PDGFB: variants seen among roughly 807,000 people sequenced by gnomAD.
PDGFB encodes platelet-derived growth factor subunit B.
In PDGFB, 6 loss-of-function variants were observed where a neutral mutation model predicts 29.0. That is an observed-to-expected ratio of 0.21 (90% confidence interval 0.11 to 0.41). PDGFB has a LOEUF of 0.41. Among genes scored for constraint, PDGFB ranks in the 10% least tolerant of loss-of-function variants. The pLI is 1.00. For synonymous variants in PDGFB, 144 were observed against 140.8 expected, an observed-to-expected ratio of 1.02 and a Z score of -0.16; for missense variants, 299 against 341.8, an observed-to-expected ratio of 0.87 and a Z score of 0.99.
At chr22:39,227,963 C>T (rs988371215) in intron 5 of PDGFB, among the ~76,000 whole-genome samples, 2 of 152,202 alleles carry the variant, frequency 1.3e-5, no homozygotes, top group Non-Finnish European at 2.9e-5. Context: ...CACTGAAGGG[C>T]CCAGGGAGTT....
Position 39,227,659 on chromosome 22 carries a change from C to T in PDGFB, c.602-1812G>A, listed in dbSNP as rs549662807. Among the ~76,000 whole-genome samples the T allele has an allele frequency of 2.0e-5, 3 of 152,316 alleles. No individual in the cohort carries two copies. The East Asian group carries it at 5.8e-4, about 29-fold the overall frequency. ...CACACCTCCAACCACTCAGCACAAA[C>T]GACAGTGCCTGTGAGCCTCAGTCAA... On this transcript the variant is annotated intron_variant, in intron 5 of 6. Transcript: ENST00000331163.
At chr22:39,227,054 G>C (rs1465752263) in intron 5 of PDGFB, among the ~76,000 whole-genome samples, 1 of 152,250 alleles carries the variant, frequency 6.6e-6, no homozygotes, top group Non-Finnish European at 1.5e-5. Flanking sequence ...CACCTCGCAG[G>C]TTCAAGTGAT....
At chr22:39,240,593 A>G (rs1362273434) in intron 1 of PDGFB, among the ~76,000 whole-genome samples, 8 of 151,756 alleles carry the variant, frequency 5.3e-5, no homozygotes, top group African/African-American at 1.9e-4. Flanking sequence ...CAGTGGGGCC[A>G]TGGAGCAACA....
At position 39,231,531 on chromosome 22, in the gene PDGFB, A is replaced by G. The variant is rs1249920721; in HGVS notation, c.456+91T>C. On this transcript the variant is annotated intron_variant, in intron 4 of 6. Coordinates refer to ENST00000331163, the MANE Select transcript of PDGFB (RefSeq NM_002608.4). This position sits in a 1 kb window ranked among gnomAD's most constrained non-coding sequence, Gnocchi z 4.3. Reference sequence around the variant, plus strand: ...TGTCCTTCGACACACCACTCTGCCCAGTCAAGGAAGCCTGGTCAGGTATGA... The same window carrying G: ...TGTCCTTCGACACACCACTCTGCCCGGTCAAGGAAGCCTGGTCAGGTATGA... The G allele has an allele frequency of 1.1e-6, 1 of 946,298 alleles. No individual in the cohort carries two copies. Among genetic ancestry groups the G allele is most frequent in the Non-Finnish European group, 1.6e-6 (1 of 643,460 alleles). The allele number at this position is 946,298 out of a possible 1,614,324, so 58.6% of individuals were successfully genotyped here.
At chr22:39,234,197 C>G (rs1188989802) in intron 2 of PDGFB, among the ~76,000 whole-genome samples, 1 of 152,196 alleles carries the variant, frequency 6.6e-6, no homozygotes, top group Non-Finnish European at 1.5e-5. Flanking sequence ...CTCCCCTTCT[C>G]TAAACTGTTG....
chr22:39,223,820 A>T lies in PDGFB; in HGVS notation c.*1522T>A, dbSNP rs1601593629. 1 of 152,602 alleles carries T rather than the reference A, an allele frequency of 6.6e-6. No homozygotes were observed. Among genetic ancestry groups the T allele is most frequent in the East Asian group, 1.9e-4 (1 of 5,202 alleles). The allele number at this position is 152,602 out of a possible 1,614,324, so 9.5% of individuals were successfully genotyped here. A position where few individuals can be genotyped will look rare whatever the true frequency, so the allele number is the denominator to read the frequency against. ...ACAAACTGAAGGAAGCAGGTTTTGG[A>T]AGGCGGGAAGGGGGAAAGTGCAGTA... On this transcript the variant is annotated 3_prime_UTR_variant, in exon 7 of 7. Transcript: ENST00000331163.
intron 1 of PDGFB, chr22:39,241,183 C>A (rs1932561291): frequency 2.0e-6 from 1 of 501,390 alleles, no homozygotes; most frequent in Admixed American, 3.3e-5. Context: ...TGGAAGCCAG[C>A]TCAGCTGGTG....
intron 1 of PDGFB, chr22:39,240,705 G>T: frequency 1.1e-6 from 1 of 869,570 alleles, no homozygotes; most frequent in Non-Finnish European, 1.9e-6. Flanking sequence ...CTAAAAGTGG[G>T]GACCAGGAGG....
rs951089169 is a variant in PDGFB, at chr22:39,230,034, A to C, written c.601+50T>G. Reference sequence around the variant, plus strand: ...ATTTTTAAGACCGGCCCCTGCCCCCAGCTGCTGCAGGGGAAGGGGGCTGAG... The same window carrying C: ...ATTTTTAAGACCGGCCCCTGCCCCCCGCTGCTGCAGGGGAAGGGGGCTGAG... On this transcript the variant is annotated intron_variant, in intron 5 of 6. Coordinates refer to ENST00000331163, the MANE Select transcript of PDGFB (RefSeq NM_002608.4). 17 of 1,591,496 alleles carry C rather than the reference A, an allele frequency of 1.1e-5. No individual in the cohort carries two copies. In the African/African-American group the frequency reaches 1.9e-4, roughly 18 times the overall value.
chr22:39,238,957 G>A (rs1932507100), intron 1 of PDGFB, among the ~76,000 whole-genome samples: 1 of 152,268 alleles, frequency 6.6e-6, no homozygotes, highest in Non-Finnish European at 1.5e-5. Flanking sequence ...GGAGTGCAGA[G>A]GCTGAGAAAC....
chr22:39,229,903 C>T (rs1235973010), intron 5 of PDGFB, among the ~76,000 whole-genome samples, 181 bp downstream of exon 5: 1 of 152,182 alleles, frequency 6.6e-6, no homozygotes, highest in Non-Finnish European at 1.5e-5. Context: ...AGGGGCTAAT[C>T]CTCATGTAGG....
In PDGFB at chr22:39,235,812, A is replaced by G; in HGVS notation, c.126T>C (p.Asp42=). The change falls in exon 2 of 7, where the codon GAT becomes GAC. Residue 42 remains aspartate (D), a synonymous_variant. Coordinates refer to ENST00000331163, the MANE Select transcript of PDGFB (RefSeq NM_002608.4). ...MLSDHSIRSF[D]DLQRLLHGDP... is the part of the protein sequence containing the mutation. ...CTCCGTGCAGCAGGCGTTGGAGATC[A>G]TCAAAGGAGCGGATCGAGTGGTCAC... 6.2e-7 allele frequency: 1 copy of G among 1,614,066 alleles called. No homozygotes were observed. Among genetic ancestry groups the G allele is most frequent in the Non-Finnish European group, 8.5e-7 (1 of 1,179,966 alleles).
chr22:39,243,594 G>C lies in PDGFB; in HGVS notation c.63+307C>G, dbSNP rs1400528742. Among the ~76,000 whole-genome samples, 2 of 152,136 alleles carry C rather than the reference G, an allele frequency of 1.3e-5. No homozygotes were observed. Among genetic ancestry groups the C allele is most frequent in the African/African-American group, 4.8e-5 (2 of 41,440 alleles). ...CCACCCCACCCCCTCTCCCCCGGCCGGGAAGGGGCTTGTTCTCGGGTTCCC... is the reference window on the plus strand; with the variant it reads ...CCACCCCACCCCCTCTCCCCCGGCCCGGAAGGGGCTTGTTCTCGGGTTCCC... On this transcript the variant is annotated intron_variant, in intron 1 of 6. Coordinates refer to ENST00000331163, the MANE Select transcript of PDGFB (RefSeq NM_002608.4). This position sits in a 1 kb window ranked among gnomAD's most constrained non-coding sequence, Gnocchi z 6.4.
chr22:39,234,523 C>T (rs1601599480), intron 2 of PDGFB, among the ~76,000 whole-genome samples: 1 of 152,350 alleles, frequency 6.6e-6, no homozygotes, highest in Non-Finnish European at 1.5e-5. Flanking sequence ...CCCACTGGCC[C>T]CATCCAAGAC....
At chr22:39,230,032 C>A (rs1369639549) in intron 5 of PDGFB, 52 bp downstream of exon 5, 2 of 1,594,904 alleles carry the variant, frequency 1.3e-6, no homozygotes, top group African/African-American at 2.7e-5. Context: ...GCCCCTGCCC[C>A]CAGCTGCTGC....
At chr22:39,233,814 GT>G (rs1269353804) in intron 2 of PDGFB, among the ~76,000 whole-genome samples, 1 of 152,206 alleles carries the variant, frequency 6.6e-6, no homozygotes, top group African/African-American at 2.4e-5. Flanking sequence ...CTTTGCTACT[GT>G]AAGTGAACCC....
intron 5 of PDGFB, among the ~76,000 whole-genome samples, chr22:39,226,494 C>G (rs1601594925): frequency 1.3e-5 from 2 of 152,278 alleles, no homozygotes; most frequent in East Asian, 3.9e-4. Context: ...CCCGTTGAGT[C>G]TCCAGATGAC....
chr22:39,227,679 A>G (rs886876379), intron 5 of PDGFB, among the ~76,000 whole-genome samples: 2 of 152,164 alleles, frequency 1.3e-5, no homozygotes, highest in Non-Finnish European at 2.9e-5. Flanking sequence ...TGTGAGCCTC[A>G]GTCAAGGGGA....
intron 1 of PDGFB, chr22:39,241,052 C>A: frequency 1.5e-6 from 1 of 688,696 alleles, no homozygotes; most frequent in Non-Finnish European, 2.6e-6. Context: ...TCTCCTGCCC[C>A]CTAGGGCCAT....
Sources: allele counts gnomAD v4.1 joint callset (sites outside exome capture counted in the v4.1 genomes callset), GRCh38; gene constraint gnomAD v4.1.1; non-coding constraint Gnocchi (gnomAD v3.1); transcripts MANE v1.5; gene names NCBI Gene and HGNC (gene_info 2026-07-23, HGNC 2026-07-21).